Variants in FAM13B observed in about 807,000 individuals in gnomAD.
FAM13B encodes family with sequence similarity 13 member B.
In FAM13B, 60 loss-of-function variants were observed where a neutral mutation model predicts 117.3. The ratio of observed to expected loss-of-function variants is 0.51; its 90% CI spans 0.42 to 0.63. FAM13B has a LOEUF of 0.63. Among genes scored for constraint, FAM13B ranks in the 30% least tolerant of loss-of-function variants. The pLI is 0.00. For synonymous variants in FAM13B, 332 were observed against 356.1 expected (o/e 0.93, Z 0.76); for missense variants, 972 against 1,091.9 (o/e 0.89, Z 1.55).
At chr5:137,945,111 A>G (rs1035979316) in intron 20 of FAM13B, among the ~76,000 whole-genome samples, 1 of 151,632 alleles carries the variant, frequency 6.6e-6, no homozygotes, top group Non-Finnish European at 1.5e-5. Flanking sequence ...AAAGTTAGGA[A>G]AAAAAAAAGA....
chr5:138,036,457 C>T (rs1363699305), upstream of FAM13B: 3 of 456,702 alleles, frequency 6.6e-6, no homozygotes, highest in East Asian at 1.4e-4. Context: ...CTGTGGGAGT[C>T]AGACACAGGC....
intron 10 of FAM13B, among the ~76,000 whole-genome samples, chr5:137,967,585 T>C (rs935432727): frequency 1.3e-5 from 2 of 151,774 alleles, no homozygotes; most frequent in Admixed American, 6.6e-5. Flanking sequence ...AATGTGGATG[T>C]GGACAACTGG....
intron 10 of FAM13B, among the ~76,000 whole-genome samples, chr5:137,977,244 C>T (rs1176647571): frequency 6.6e-6 from 1 of 152,168 alleles, no homozygotes; most frequent in Non-Finnish European, 1.5e-5. Flanking sequence ...CAAACCCTGT[C>T]TCCTGATAAG....
chr5:137,946,350 A>AAAAC, intron 18 of FAM13B, 39 bp from the exon 19 acceptor site: 1 of 1,420,942 alleles, frequency 7.0e-7, no homozygotes, highest in Non-Finnish European at 9.6e-7. Flanking sequence ...TACAAAAAAA[A>AAAAC]AAAAACAAAA....
At chr5:137,976,956 T>C (rs534349083) in intron 10 of FAM13B, among the ~76,000 whole-genome samples, 36 of 152,288 alleles carry the variant, frequency 2.4e-4, no homozygotes, top group Non-Finnish European at 5.0e-4. Flanking sequence ...AACCTTAAAC[T>C]CTGACTGCCG....
At chr5:137,952,837 T>C (rs576573325) in intron 16 of FAM13B, 128 bp from the exon 17 acceptor site, 1 of 592,448 alleles carries the variant, frequency 1.7e-6, no homozygotes, top group Non-Finnish European at 2.9e-6. Flanking sequence ...TTATTTTAAT[T>C]AGATAGGGCA....
chr5:137,980,730 G>A (rs1326232449), intron 10 of FAM13B, among the ~76,000 whole-genome samples: 2 of 151,922 alleles, frequency 1.3e-5, no homozygotes, highest in Non-Finnish European at 2.9e-5. Flanking sequence ...GTAAGCCACT[G>A]CGCCCAGCCT....
intron 10 of FAM13B, among the ~76,000 whole-genome samples, chr5:137,980,583 C>T (rs555873090): frequency 2.0e-5 from 3 of 152,104 alleles, no homozygotes; most frequent in African/African-American, 4.8e-5. Flanking sequence ...GCTGGGACTA[C>T]AGGCGTACGC....
At chr5:137,971,309 A>C (rs1772065588) in intron 10 of FAM13B, among the ~76,000 whole-genome samples, 1 of 152,104 alleles carries the variant, frequency 6.6e-6, no homozygotes, top group Non-Finnish European at 1.5e-5. Flanking sequence ...TAAGAATCTC[A>C]CTCAAAACTG....
At chr5:138,050,058 A>G (rs1791755102) in intron 1 of FAM13B, among the ~76,000 whole-genome samples, 1 of 152,148 alleles carries the variant, frequency 6.6e-6, no homozygotes, top group Non-Finnish European at 1.5e-5. Flanking sequence ...GGATCGCTTG[A>G]GTCCACAAGT....
At chr5:138,026,250 G>C (rs1418591005) in intron 1 of FAM13B, among the ~76,000 whole-genome samples, 1 of 152,154 alleles carries the variant, frequency 6.6e-6, no homozygotes, top group African/African-American at 2.4e-5. Context: ...GGCAGTGATA[G>C]TTACATATGA....
At chr5:138,039,329 T>C (rs1348687387) in intron 1 of FAM13B, 1 of 152,212 alleles carries the variant, frequency 6.6e-6, no homozygotes, top group Non-Finnish European at 1.5e-5. Context: ...TCATGAACTT[T>C]CTGCTGCCTT....
intron 10 of FAM13B, among the ~76,000 whole-genome samples, chr5:137,984,302 T>A (rs999505708): frequency 1.3e-5 from 2 of 152,228 alleles, no homozygotes; most frequent in African/African-American, 4.8e-5. Flanking sequence ...AATCTCCATT[T>A]CTACGGGTGT....
intron 14 of FAM13B, 129 bp from the exon 15 acceptor site, chr5:137,954,505 T>C (rs201343237): frequency 1.1e-4 from 45 of 416,800 alleles, no homozygotes; most frequent in East Asian, 5.1e-4. Flanking sequence ...CATACACACA[T>C]ACACACACAC....
intron 1 of FAM13B, among the ~76,000 whole-genome samples, chr5:138,022,521 C>G (rs1472981309): frequency 2.0e-5 from 3 of 152,108 alleles, no homozygotes. Flanking sequence ...GAAGGAAAAC[C>G]ACATTCCCAT....
intron 4 of FAM13B, among the ~76,000 whole-genome samples, chr5:138,013,157 C>T (rs1367919119): frequency 6.6e-6 from 1 of 150,496 alleles, no homozygotes; most frequent in Non-Finnish European, 1.5e-5. Flanking sequence ...AAGCCGAGAT[C>T]GTGCCACTGC....
At chr5:138,004,394 C>T (rs564484698) in intron 7 of FAM13B, among the ~76,000 whole-genome samples, 1 of 152,270 alleles carries the variant, frequency 6.6e-6, no homozygotes, top group Admixed American at 6.5e-5. Flanking sequence ...TGAAACCATA[C>T]TTAGCCTTGC....
At chr5:137,984,934 A>C (rs893416666) in intron 10 of FAM13B, among the ~76,000 whole-genome samples, 2 of 151,780 alleles carry the variant, frequency 1.3e-5, no homozygotes, top group South Asian at 2.1e-4. Context: ...ACGCCCGGCT[A>C]ATTTTTTTGT....
At chr5:138,008,838 A>G (rs1783204953) in intron 6 of FAM13B, among the ~76,000 whole-genome samples, 1 of 152,200 alleles carries the variant, frequency 6.6e-6, no homozygotes, top group Non-Finnish European at 1.5e-5. Context: ...GGGTCACTAA[A>G]AAGTCATTAT....
Sources: allele counts gnomAD v4.1 joint callset (sites outside exome capture counted in the v4.1 genomes callset), GRCh38; gene constraint gnomAD v4.1.1; transcripts MANE v1.5; gene names NCBI Gene and HGNC (gene_info 2026-07-23, HGNC 2026-07-21).